Variants in RIC1 observed in about 807,000 individuals in gnomAD.
RIC1 encodes the protein RIC1 partner of RAB6A GEF complex.
RIC1 carries 88 observed loss-of-function variants against 169.0 expected under a neutral mutation model. That is an observed-to-expected ratio of 0.52 (90% confidence interval 0.44 to 0.62). The LOEUF is 0.62. Ranked by LOEUF, RIC1 falls within the 20% of genes least tolerant of loss-of-function variation. The pLI is 0.00. For synonymous variants in RIC1, 790 were observed against 601.5 expected (o/e 1.31, Z -4.59); for missense variants, 1,877 against 1,725.5 (o/e 1.09, Z -1.56).
At position 5,726,619 on chromosome 9, in the gene RIC1, A is replaced by G. The variant is rs1365918640; in HGVS notation, c.721-5769A>G. Among the ~76,000 whole-genome samples, 16 of 152,204 alleles carry G rather than the reference A, an allele frequency of 1.1e-4. No homozygotes were observed. The East Asian group carries it at 2.7e-3, about 26-fold the overall frequency. On this transcript the variant is annotated intron_variant, in intron 6 of 25. Transcript: ENST00000414202. The stretch of plus-strand genomic sequence containing the variant: ...TTATGATGTTAGCTGGTTATTTTGC[A>G]CATTAGTTGATGCAGTTTCTTCCTA...
intron 1 of RIC1, among the ~76,000 whole-genome samples, chr9:5,652,288 G>A (rs184297442): frequency 2.1e-3 from 315 of 152,248 alleles, no homozygotes; most frequent in African/African-American, 7.3e-3. Context: ...TGGATCTGTA[G>A]ATCACTTTGG....
At chr9:5,754,003 T>C (rs1303301436) in intron 14 of RIC1, among the ~76,000 whole-genome samples, 1 of 152,176 alleles carries the variant, frequency 6.6e-6, no homozygotes, top group Non-Finnish European at 1.5e-5. Context: ...GTGTGTGATG[T>C]ATATGGGATA....
At chr9:5,725,660 A>G (rs529272009) in intron 6 of RIC1, among the ~76,000 whole-genome samples, 19 of 152,000 alleles carry the variant, frequency 1.3e-4, no homozygotes, top group Admixed American at 4.6e-4. Context: ...TAGGGTGTCA[A>G]TTTTAGATCT....
intron 1 of RIC1, among the ~76,000 whole-genome samples, chr9:5,646,332 C>G (rs140130081): frequency 1.3e-5 from 2 of 152,142 alleles, no homozygotes; most frequent in African/African-American, 4.8e-5. Flanking sequence ...TATGTGGTTT[C>G]TAATACAGTT....
At chr9:5,708,891 A>G (rs1484701681) in intron 3 of RIC1, among the ~76,000 whole-genome samples, 1 of 152,044 alleles carries the variant, frequency 6.6e-6, no homozygotes, top group Admixed American at 6.6e-5. Flanking sequence ...TGTTGTTCCC[A>G]TAAGTCTTTA....
intron 3 of RIC1, among the ~76,000 whole-genome samples, chr9:5,702,764 C>G (rs940278390): frequency 2.0e-5 from 3 of 152,110 alleles, no homozygotes; most frequent in Non-Finnish European, 4.4e-5. Context: ...CCAGGCTGGT[C>G]TCGAACTCCT....
Position 5,686,093 on chromosome 9 carries a change from G to A in RIC1, c.253-3866G>A, listed in dbSNP as rs1002420549. On this transcript the variant is annotated intron_variant, in intron 2 of 25. Transcript: ENST00000414202. ...CACTATGAGATATCATCTCACACCA[G>A]TTAGAATGGCAATCATTAAAAAGTC... Among the ~76,000 whole-genome samples, 508 of 151,602 alleles carry A rather than the reference G, an allele frequency of 3.4e-3. 2 individuals carry two copies. The highest frequency in any genetic ancestry group is 0.012 in the African/African-American group (497 of 41,278).
Position 5,673,045 on chromosome 9 carries a change from A to G in RIC1, c.252+16355A>G, listed in dbSNP as rs75901981. 3.0e-3 allele frequency among the ~76,000 whole-genome samples: 464 copies of G among 152,328 alleles called. 1 individual carries two copies. Among genetic ancestry groups the G allele is most frequent in the African/African-American group, 0.011 (453 of 41,584 alleles). On this transcript the variant is annotated intron_variant, in intron 2 of 25. Transcript: ENST00000414202. ...TGCCTTGGTATTGGAGCTACAGTGA[A>G]CAGGACAAGCAAGTGGACATGTAAC...
intron 3 of RIC1, among the ~76,000 whole-genome samples, chr9:5,701,159 C>G (rs1289758629): frequency 3.3e-5 from 5 of 152,296 alleles, no homozygotes; most frequent in Non-Finnish European, 7.4e-5. Flanking sequence ...GTATAGCTGG[C>G]TCTTCTGTTT....
intron 17 of RIC1, among the ~76,000 whole-genome samples, chr9:5,762,215 C>G (rs1416978829): frequency 1.3e-5 from 2 of 152,208 alleles, no homozygotes; most frequent in African/African-American, 4.8e-5. Context: ...TTTAAACTTT[C>G]TGTTGTTATG....
chr9:5,725,785 C>T (rs1292878680), intron 6 of RIC1, among the ~76,000 whole-genome samples: 1 of 152,114 alleles, frequency 6.6e-6, no homozygotes, highest in African/African-American at 2.4e-5. Context: ...TTTCAAAGAA[C>T]ATCTTTATTT....
intron 3 of RIC1, among the ~76,000 whole-genome samples, chr9:5,703,394 T>G (rs7047997): frequency 1.3e-5 from 2 of 152,060 alleles, no homozygotes; most frequent in East Asian, 1.9e-4. Context: ...TTACAGTGTT[T>G]TGTACAACTA....
chr9:5,665,944 C>G (rs1819726722), intron 2 of RIC1, among the ~76,000 whole-genome samples: 2 of 152,182 alleles, frequency 1.3e-5, no homozygotes, highest in African/African-American at 4.8e-5. Context: ...AAGAAGCAGT[C>G]TGGCTGCAGC....
intron 2 of RIC1, among the ~76,000 whole-genome samples, chr9:5,681,796 G>C (rs181673450): frequency 1.3e-5 from 2 of 152,092 alleles, no homozygotes; most frequent in East Asian, 3.8e-4. Flanking sequence ...TTGTAGGTCA[G>C]CAAGGACTTG....
rs2131099477 is a variant in RIC1, at chr9:5,763,663, T to C, written c.2636T>C (p.Ile879Thr). 2 of 1,614,160 alleles carry C rather than the reference T, an allele frequency of 1.2e-6. No individual in the cohort carries two copies. Among genetic ancestry groups the C allele is most frequent in the East Asian group, 4.5e-5 (2 of 44,878 alleles). Residue 879 changes from isoleucine to threonine, a missense_variant, in exon 19 of 26, where the codon ATT becomes ACT. Physicochemically the swap from Ile to Thr is moderately conservative, Grantham distance 89. Around this residue, in one of 3 missense-constraint regions of RIC1, gnomAD observed 92 missense variants for 151.5 expected, o/e 0.61. Coordinates refer to ENST00000414202, the MANE Select transcript of RIC1 (RefSeq NM_020829.4). This position sits in a 1 kb window ranked among gnomAD's most constrained non-coding sequence, Gnocchi z 5.2. ...GAAGAAGCTACCTCACGGGAGCCCATTCCCGACCCTCTGCTTCCCACTGTG... is the reference window on the plus strand; with the variant it reads ...GAAGAAGCTACCTCACGGGAGCCCACTCCCGACCCTCTGCTTCCCACTGTG... ...LEEEATSREP[I>T]PDPLLPTVAK...
intron 2 of RIC1, among the ~76,000 whole-genome samples, chr9:5,688,559 A>G (rs1344022299): frequency 6.6e-6 from 1 of 152,200 alleles, no homozygotes; most frequent in African/African-American, 2.4e-5. Context: ...AATTGCACAT[A>G]AAGAATTAGA....
At chr9:5,744,263 A>T (rs1825253331) in intron 10 of RIC1, among the ~76,000 whole-genome samples, 1 of 152,034 alleles carries the variant, frequency 6.6e-6, no homozygotes, top group South Asian at 2.1e-4. Context: ...GCTTGCTTTT[A>T]ACATGAGGTG....
Position 5,722,348 on chromosome 9 carries a change from AGTGTGTGTGT to A in RIC1, c.720+1623_720+1632del, listed in dbSNP as rs1554673860. Among the ~76,000 whole-genome samples the A allele has an allele frequency of 4.1e-3, 536 of 131,332 alleles. 4 individuals are homozygous for A. The highest frequency in any genetic ancestry group is 0.014 in the African/African-American group (490 of 34,850). The allele number at this position is 131,332 out of a possible 152,430, so 86.2% of individuals were successfully genotyped here. A position where few individuals can be genotyped will look rare whatever the true frequency, so the allele number is the denominator to read the frequency against. The stretch of plus-strand genomic sequence containing the variant: ...CTTGCAAAAACTATAAGAGAGAGAG[AGTGTGTGTGT>A]GTGTGTGTGTGTGTGTGTGTGTGTA... On this transcript the variant is annotated intron_variant, in intron 6 of 25. Transcript: ENST00000414202.
In RIC1 at chr9:5,768,795, G is replaced by A. The variant is rs747381464; in HGVS notation, c.3138-175G>A. Among the ~76,000 whole-genome samples the A allele has an allele frequency of 2.7e-4, 41 of 152,242 alleles. No individual in the cohort carries two copies. The highest frequency in any genetic ancestry group is 5.6e-4 in the Non-Finnish European group (38 of 68,014). ...GTGTCTTAAGAGCCTTCTGTGTTCC[G>A]AGGGTTGTGGTGTAACACGGAGGAG... On this transcript the variant is annotated intron_variant, in intron 21 of 25. Transcript: ENST00000414202.
Sources: allele counts gnomAD v4.1 joint callset (sites outside exome capture counted in the v4.1 genomes callset), GRCh38; gene constraint gnomAD v4.1.1; regional missense constraint gnomAD v4.1.1; non-coding constraint Gnocchi (gnomAD v3.1); transcripts MANE v1.5; gene names NCBI Gene and HGNC (gene_info 2026-07-23, HGNC 2026-07-21).